Variants in NIN observed in about 807,000 individuals in gnomAD.
The protein encoded by NIN is ninein, also known as glycogen synthase kinase 3 beta-interacting protein.
NIN carries 137 observed loss-of-function variants against 257.6 expected under a neutral mutation model. The observed-to-expected ratio is 0.53, with a 90% CI of 0.46 to 0.61. The LOEUF (loss-of-function observed/expected upper bound fraction) is 0.61. Among genes scored for constraint, NIN ranks in the 20% least tolerant of loss-of-function variants. NIN has a pLI of 0.00. For synonymous variants in NIN, 918 were observed against 919.8 expected, an observed-to-expected ratio of 1.00 and a Z score of 0.04; for missense variants, 2,439 against 2,501.2, an observed-to-expected ratio of 0.98 and a Z score of 0.53.
At chr14:50,783,352 A>G (rs1165799632) in intron 5 of NIN, among the ~76,000 whole-genome samples, 1 of 152,010 alleles carries the variant, frequency 6.6e-6, no homozygotes, top group Non-Finnish European at 1.5e-5. Context: ...CACTGCACCC[A>G]GCCAGTTTAA....
At chr14:50,764,489 A>T (rs1207660662) in intron 14 of NIN, among the ~76,000 whole-genome samples, 1 of 152,192 alleles carries the variant, frequency 6.6e-6, no homozygotes, top group Non-Finnish European at 1.5e-5. Flanking sequence ...CAACCTAGCA[A>T]TTCTACTCCT....
chr14:50,739,836 G>C (rs1177345036), intron 25 of NIN, among the ~76,000 whole-genome samples: 10 of 152,216 alleles, frequency 6.6e-5, no homozygotes, highest in Non-Finnish European at 1.0e-4. Flanking sequence ...TTCTTACGAA[G>C]TTATCTTTAA....
chr14:50,798,195 ACTT>A (rs1270068830), intron 4 of NIN, among the ~76,000 whole-genome samples: 3 of 151,992 alleles, frequency 2.0e-5, no homozygotes, highest in Non-Finnish European at 2.9e-5. Context: ...CTCCCCAACT[ACTT>A]CTCTCTCCTG....
At chr14:50,770,278 G>T in intron 12 of NIN, 110 bp downstream of exon 12, 1 of 1,123,550 alleles carries the variant, frequency 8.9e-7, no homozygotes, top group Non-Finnish European at 1.3e-6. Flanking sequence ...GGGCAAACTT[G>T]GAGGATTTTT....
intron 12 of NIN, among the ~76,000 whole-genome samples, chr14:50,769,663 G>T (rs2042645567): frequency 6.6e-6 from 1 of 152,124 alleles, no homozygotes; most frequent in African/African-American, 2.4e-5. Context: ...ACCACACCCT[G>T]CTAATTTTTT....
At chr14:50,725,495 G>A (rs2040373674) in intron 30 of NIN, among the ~76,000 whole-genome samples, 1 of 151,964 alleles carries the variant, frequency 6.6e-6, no homozygotes, top group Non-Finnish European at 1.5e-5. Flanking sequence ...TAAGCTGTTG[G>A]GAACAGGAAA....
rs2040264961 is a variant in NIN at position 50,721,255 on chromosome 14, A to G, written c.*2208T>C. 1 of 203,212 alleles carries G rather than the reference A, an allele frequency of 4.9e-6. No homozygotes were observed. Among genetic ancestry groups the G allele is most frequent in the Non-Finnish European group, 1.0e-5 (1 of 99,170 alleles). The allele number at this position is 203,212 out of a possible 1,614,324, so 12.6% of individuals were successfully genotyped here. ...TTTGAGCAGCATTTTGATTTTGAATAGAGATTCTAAATGTAGTCTAAACTT... is the reference window on the plus strand; with the variant it reads ...TTTGAGCAGCATTTTGATTTTGAATGGAGATTCTAAATGTAGTCTAAACTT... On this transcript the variant is annotated 3_prime_UTR_variant, in exon 31 of 31. Coordinates refer to ENST00000530997, the MANE Select transcript of NIN (RefSeq NM_020921.4).
chr14:50,743,608 A>C, intron 23 of NIN, 79 bp from the exon 24 acceptor site: 1 of 792,602 alleles, frequency 1.3e-6, no homozygotes, highest in Non-Finnish European at 2.2e-6. Flanking sequence ...CTGCACTTAC[A>C]TTGTCAAGAA....
intron 22 of NIN, among the ~76,000 whole-genome samples, chr14:50,744,956 G>A (rs2041470618): frequency 6.6e-6 from 1 of 151,944 alleles, no homozygotes; most frequent in South Asian, 2.1e-4. Flanking sequence ...CCTAGAATTG[G>A]CATGAACCAC....
In NIN at chr14:50,765,968, C is replaced by T. The variant is rs182329944; in HGVS notation, c.1635+339G>A. 7.8e-3 allele frequency among the ~76,000 whole-genome samples: 1,187 copies of T among 151,680 alleles called. 23 individuals carry two copies. The highest frequency in any genetic ancestry group is 0.027 in the African/African-American group (1,132 of 41,322). ...CACCCACTAACTCGTCATCTAGCAT[C>T]AGGTATATCTCCCGGTGCTATCCCT... On this transcript the variant is annotated intron_variant, in intron 14 of 30. Transcript: ENST00000530997.
rs1419568898 is a variant in NIN, at chr14:50,723,048, C to G, written c.*415G>C. 4.7e-6 allele frequency: 1 copy of G among 214,854 alleles called. No homozygotes were observed. The highest frequency in any genetic ancestry group is 7.3e-5 in the East Asian group (1 of 13,694). The allele number at this position is 214,854 out of a possible 1,614,324, so 13.3% of individuals were successfully genotyped here. A position where few individuals can be genotyped will look rare whatever the true frequency, so the allele number is the denominator to read the frequency against. ...TCCAGTATTTAAATATGTAAGAACA[C>G]CTAAATTTGGTTTTAAAATAAAGTT... is the stretch of plus-strand genomic sequence containing the variant. On this transcript the variant is annotated 3_prime_UTR_variant, in exon 31 of 31. Coordinates refer to ENST00000530997, the MANE Select transcript of NIN (RefSeq NM_020921.4).
intron 5 of NIN, among the ~76,000 whole-genome samples, chr14:50,786,559 G>A (rs1469697376): frequency 6.6e-6 from 1 of 151,872 alleles, no homozygotes; most frequent in African/African-American, 2.4e-5. Flanking sequence ...CATCTTTAAT[G>A]AATGTTTCAT....
Position 50,730,780 on chromosome 14 carries a change from CATATT to C in NIN, c.5878-1062_5878-1058del, listed in dbSNP as rs138892646. 3.9e-3 allele frequency: 1,626 copies of C among 413,154 alleles called. 19 individuals carry two copies. Among genetic ancestry groups the C allele is most frequent in the African/African-American group, 0.028 (1,332 of 47,268 alleles). 25.6% of individuals were successfully genotyped at this position (413,154 alleles called of 1,614,324 possible). ...TGAGGAAAAGTTTGATGTAAACAGACATATTATACCATTAAAACAAAATGAATACT... is the reference window on the plus strand; with the variant it reads ...TGAGGAAAAGTTTGATGTAAACAGACATACCATTAAAACAAAATGAATACT... On this transcript the variant is annotated intron_variant, in intron 28 of 30. Coordinates refer to ENST00000530997, the MANE Select transcript of NIN (RefSeq NM_020921.4).
intron 29 of NIN, among the ~76,000 whole-genome samples, chr14:50,728,878 C>T (rs1295624863): frequency 6.6e-6 from 1 of 152,196 alleles, no homozygotes; most frequent in Non-Finnish European, 1.5e-5. Flanking sequence ...GTTTTATGAA[C>T]TATGTCAACT....
chr14:50,776,858 C>A, intron 7 of NIN, 91 bp downstream of exon 7: 1 of 1,137,002 alleles, frequency 8.8e-7, no homozygotes. Context: ...GCCTAACAAG[C>A]TGCAGAGAGC....
intron 3 of NIN, among the ~76,000 whole-genome samples, chr14:50,818,005 C>T (rs960365669): frequency 1.3e-5 from 2 of 151,058 alleles, no homozygotes; most frequent in Non-Finnish European, 3.0e-5. Flanking sequence ...CGTGAGTCAC[C>T]GTGCCTGGCC....
intron 19 of NIN, 54 bp from the exon 20 acceptor site, chr14:50,754,686 A>G: frequency 6.3e-7 from 1 of 1,584,982 alleles, no homozygotes; most frequent in Non-Finnish European, 8.6e-7. Context: ...AAGCTGAAGT[A>G]AAAGAATTTT....
intron 9 of NIN, 114 bp from the exon 10 acceptor site, chr14:50,771,582 G>C: frequency 8.9e-7 from 1 of 1,120,930 alleles, no homozygotes; most frequent in Non-Finnish European, 1.3e-6. Context: ...CTAGCAATTA[G>C]ACAATTCCAT....
Position 50,731,092 on chromosome 14 carries a change from T to C in NIN, c.5878-1369A>G, listed in dbSNP as rs532199831. ...AGAACAGTACTAATTAGGTCTATTA[T>C]ATACATGAATAAGAGCATATGAAAG... On this transcript the variant is annotated intron_variant, in intron 28 of 30. Coordinates refer to ENST00000530997, the MANE Select transcript of NIN (RefSeq NM_020921.4). 44 of 380,272 alleles carry C rather than the reference T, an allele frequency of 1.2e-4. No individual in the cohort carries two copies. The Middle Eastern group carries it at 1.5e-3, about 13-fold the overall frequency. 23.6% of individuals were successfully genotyped at this position (380,272 alleles called of 1,614,324 possible). A position where few individuals can be genotyped will look rare whatever the true frequency, so the allele number is the denominator to read the frequency against.
Sources: allele counts gnomAD v4.1 joint callset (sites outside exome capture counted in the v4.1 genomes callset), GRCh38; gene constraint gnomAD v4.1.1; transcripts MANE v1.5; gene names NCBI Gene and HGNC (gene_info 2026-07-23, HGNC 2026-07-21).